KCNIP4: variants seen among roughly 807,000 people sequenced by gnomAD.
KCNIP4 encodes the protein Kv channel-interacting protein 4.
KCNIP4 carries 12 observed loss-of-function variants against 34.0 expected under a neutral mutation model. The observed-to-expected ratio is 0.35, with a 90% CI of 0.23 to 0.57. The LOEUF (loss-of-function observed/expected upper bound fraction) is 0.57, where lower values mean the gene tolerates loss of function less well. KCNIP4 is among the 20% of genes least tolerant of loss of function. The pLI is 0.83. For synonymous variants in KCNIP4, 124 were observed against 102.2 expected (o/e 1.21, Z -1.29); for missense variants, 238 against 311.7 (o/e 0.76, Z 1.78).
At chr4:21,688,517 C>T (rs115713181) in intron 1 of KCNIP4, among the ~76,000 whole-genome samples, 90 of 152,208 alleles carry the variant, frequency 5.9e-4, no homozygotes, top group African/African-American at 2.1e-3. Flanking sequence ...TAATTAAATG[C>T]TGAACAATAT....
At chr4:21,552,852 A>C (rs1192209048) in intron 1 of KCNIP4, among the ~76,000 whole-genome samples, 5 of 152,130 alleles carry the variant, frequency 3.3e-5, no homozygotes, top group African/African-American at 1.2e-4. Context: ...GAAGACAAGA[A>C]AGCAAAACAG....
intron 3 of KCNIP4, among the ~76,000 whole-genome samples, chr4:20,822,579 A>G (rs1299809923): frequency 6.6e-6 from 1 of 152,196 alleles, no homozygotes; most frequent in East Asian, 1.9e-4. Context: ...CTGGGTATCT[A>G]CCCAGAGGAA....
At chr4:21,915,963 G>A (rs1277839081) in intron 1 of KCNIP4, among the ~76,000 whole-genome samples, 1 of 152,162 alleles carries the variant, frequency 6.6e-6, no homozygotes, top group East Asian at 1.9e-4. Flanking sequence ...CCATTAGACT[G>A]CTGCCCACAG....
intron 3 of KCNIP4, among the ~76,000 whole-genome samples, chr4:20,782,354 G>T (rs12647834): frequency 0.042 from 6,334 of 152,166 alleles, 217 homozygotes; most frequent in East Asian, 0.2. Flanking sequence ...TCTGTGTAGG[G>T]GCTCCAACCC....
intron 1 of KCNIP4, among the ~76,000 whole-genome samples, chr4:21,260,656 G>A (rs1188722872): frequency 6.6e-6 from 1 of 152,158 alleles, no homozygotes; most frequent in African/African-American, 2.4e-5. Context: ...AGTAGACAGA[G>A]CTTATCTACT....
intron 1 of KCNIP4, among the ~76,000 whole-genome samples, chr4:21,147,368 A>T (rs1752435965): frequency 6.6e-6 from 1 of 151,974 alleles, no homozygotes; most frequent in Admixed American, 6.6e-5. Flanking sequence ...TTTCCCTACA[A>T]CCTTTGTAAA....
chr4:21,426,252 A>G (rs912367119), intron 1 of KCNIP4, among the ~76,000 whole-genome samples: 2 of 152,190 alleles, frequency 1.3e-5, no homozygotes, highest in Non-Finnish European at 2.9e-5. Flanking sequence ...TAGAAACCAG[A>G]GTAGTTTAGT....
At chr4:21,941,757 C>T (rs1243296276) in intron 1 of KCNIP4, among the ~76,000 whole-genome samples, 1 of 152,170 alleles carries the variant, frequency 6.6e-6, no homozygotes, top group African/African-American at 2.4e-5. Context: ...AATGAGAGAG[C>T]CACTCAACCA....
intron 1 of KCNIP4, among the ~76,000 whole-genome samples, chr4:21,887,670 G>A (rs962805909): frequency 1.3e-5 from 2 of 152,094 alleles, no homozygotes; most frequent in Non-Finnish European, 2.9e-5. Context: ...AGGAAATTAT[G>A]CTGAACTCAT....
chr4:21,089,095 A>T (rs1746739217), intron 1 of KCNIP4, among the ~76,000 whole-genome samples: 1 of 152,178 alleles, frequency 6.6e-6, no homozygotes, highest in Non-Finnish European at 1.5e-5. Flanking sequence ...AAATTTTAGC[A>T]AGTTTTACCA....
chr4:21,682,001 A>C (rs530127705), intron 1 of KCNIP4, among the ~76,000 whole-genome samples: 59 of 151,886 alleles, frequency 3.9e-4, no homozygotes, highest in South Asian at 1.9e-3. Flanking sequence ...TGATTCACCT[A>C]CCTCAGCTTA....
At chr4:20,925,170 C>T (rs1432271204) in intron 1 of KCNIP4, among the ~76,000 whole-genome samples, 2 of 152,000 alleles carry the variant, frequency 1.3e-5, no homozygotes, top group Non-Finnish European at 2.9e-5. Flanking sequence ...TCCCACATAC[C>T]CGCTCGGTGA....
At position 21,414,246 on chromosome 4, in the gene KCNIP4, G is replaced by T. The variant is rs188374109; in HGVS notation, c.62-531537C>A. Among the ~76,000 whole-genome samples, 381 of 152,280 alleles carry T rather than the reference G, an allele frequency of 2.5e-3. 5 individuals are homozygous for T. The highest frequency in any genetic ancestry group is 7.4e-4 in the Non-Finnish European group (50 of 68,024). ...AATGAGATGGTGACAACTAAAGAAG[G>T]TAATGGAGATGTATACATATCTTAG... On this transcript the variant is annotated intron_variant, in intron 1 of 8. Coordinates refer to ENST00000382152, the MANE Select transcript of KCNIP4 (RefSeq NM_025221.6).
chr4:20,818,552 G>A lies in KCNIP4; in HGVS notation c.288+31991C>T, dbSNP rs183973129. 1.1e-3 allele frequency among the ~76,000 whole-genome samples: 173 copies of A among 152,212 alleles called. 1 individual carries two copies. The Middle Eastern group carries it at 0.037, about 33-fold the overall frequency. On this transcript the variant is annotated intron_variant, in intron 3 of 8. Coordinates refer to ENST00000382152, the MANE Select transcript of KCNIP4 (RefSeq NM_025221.6). Reference sequence around the variant, plus strand: ...AAGCTGCAAACCTCCCGACAGAAGCGCTGTCTAATGAGAGCCTCATTCCTC... The same window carrying A: ...AAGCTGCAAACCTCCCGACAGAAGCACTGTCTAATGAGAGCCTCATTCCTC...
chr4:20,939,647 C>G (rs915063556), intron 1 of KCNIP4, among the ~76,000 whole-genome samples: 1 of 152,104 alleles, frequency 6.6e-6, no homozygotes, highest in Non-Finnish European at 1.5e-5. Context: ...GCTGGGATTA[C>G]AGGTATGAGC....
At chr4:21,233,943 T>A (rs191562406) in intron 1 of KCNIP4, among the ~76,000 whole-genome samples, 7,334 of 129,092 alleles carry the variant, frequency 0.057, 239 homozygotes, top group East Asian at 0.13. Context: ...TATATAAATA[T>A]TACATATAAC....
intron 1 of KCNIP4, among the ~76,000 whole-genome samples, chr4:21,649,686 G>A (rs1283954358): frequency 6.6e-6 from 1 of 152,154 alleles, no homozygotes; most frequent in East Asian, 1.9e-4. Flanking sequence ...GCAAATGCCT[G>A]TATTTCTGTG....
chr4:21,247,990 C>A, intron 1 of KCNIP4, among the ~76,000 whole-genome samples: 1 of 107,812 alleles, frequency 9.3e-6, no homozygotes, highest in African/African-American at 5.3e-5. Context: ...TATACACACA[C>A]ACACACACAC....
chr4:21,699,086 G>T (rs1160549524), intron 1 of KCNIP4, among the ~76,000 whole-genome samples: 2 of 152,158 alleles, frequency 1.3e-5, no homozygotes, highest in African/African-American at 2.4e-5. Flanking sequence ...ATGAGTGATG[G>T]CATCCCTAAG....
Sources: gnomAD v4.1 joint callset for allele counts (sites outside exome capture counted in the v4.1 genomes callset) on GRCh38, gnomAD v4.1.1 for gene constraint, MANE v1.5 for transcripts, NCBI Gene and HGNC (gene_info 2026-07-23, HGNC 2026-07-21) for gene names.